TMPRSS15: variants seen among roughly 807,000 people sequenced by gnomAD.
The protein encoded by TMPRSS15 is enteropeptidase.
Under a neutral mutation model 125.3 loss-of-function variants are expected in TMPRSS15, and 128 were observed. That is an observed-to-expected ratio of 1.02 (90% confidence interval 0.89 to 1.18). The LOEUF (loss-of-function observed/expected upper bound fraction) is 1.18, where lower values mean the gene tolerates loss of function less well. TMPRSS15 is among the 50% of genes most tolerant of loss of function. TMPRSS15 has a pLI of 0.00. For missense variants in TMPRSS15, 1,283 were observed against 1,212.7 expected (o/e 1.06, Z -0.86); for synonymous variants, 446 against 423.2 (o/e 1.05, Z -0.66).
At chr21:18,450,427 C>T (rs995187973) in intron 1 of TMPRSS15, among the ~76,000 whole-genome samples, 1 of 152,066 alleles carries the variant, frequency 6.6e-6, no homozygotes, top group African/African-American at 2.4e-5. Context: ...AACCTCAATG[C>T]ATTTGTTTCT....
Position 18,422,827 on chromosome 21 carries a change from A to C in TMPRSS15, c.11-24498T>G, listed in dbSNP as rs545795769. Among the ~76,000 whole-genome samples the C allele has an allele frequency of 3.9e-5, 6 of 152,322 alleles. No individual in the cohort carries two copies. The South Asian group carries it at 1.2e-3, about 32-fold the overall frequency. Reference sequence around the variant, plus strand: ...ACCCTTTTCTGTATAGCTCTGGGCTAGGTTGGGCAAATAAGAGAAACTTGT... The same window carrying C: ...ACCCTTTTCTGTATAGCTCTGGGCTCGGTTGGGCAAATAAGAGAAACTTGT... On this transcript the variant is annotated intron_variant, in intron 1 of 7. Coordinates refer to the TMPRSS15 transcript ENST00000422787.
chr21:18,313,263 A>C (rs952863114), intron 17 of TMPRSS15, among the ~76,000 whole-genome samples, 186 bp from the exon 18 acceptor site: 2 of 152,106 alleles, frequency 1.3e-5, no homozygotes, highest in Non-Finnish European at 2.9e-5. Context: ...GCAAAATTTC[A>C]AATTTTCTCA....
intron 23 of TMPRSS15, among the ~76,000 whole-genome samples, chr21:18,275,690 A>G (rs1339136562): frequency 6.6e-6 from 1 of 152,216 alleles, no homozygotes; most frequent in African/African-American, 2.4e-5. Flanking sequence ...AATTAGCAAC[A>G]GCTCAGAAAT....
upstream of TMPRSS15, among the ~76,000 whole-genome samples, chr21:18,405,978 T>C (rs1318733341): frequency 6.6e-6 from 1 of 152,230 alleles, no homozygotes; most frequent in African/African-American, 2.4e-5. Flanking sequence ...TGTGTTTTTT[T>C]CTTTATAATT....
At chr21:18,441,054 A>G (rs2076240264) in intron 1 of TMPRSS15, among the ~76,000 whole-genome samples, 1 of 152,132 alleles carries the variant, frequency 6.6e-6, no homozygotes, top group Non-Finnish European at 1.5e-5. Flanking sequence ...GCACTTTGGG[A>G]GACCAAAGCA....
In TMPRSS15 at chr21:18,279,019, A is replaced by C; in HGVS notation, c.2709T>G (p.Val903=). ...TAGAACAATTTCTTCCTGGAGGAAA[A>C]ACTTGATTTTCTTCCGGTAAACAAA... The part of the protein sequence containing the change: ...QPICLPEENQ[V]FPPGRNCSIA... The change falls in exon 23 of 25, where the codon GTT becomes GTG. Residue 903 remains valine, a synonymous_variant. Coordinates refer to ENST00000284885, the MANE Select transcript of TMPRSS15 (RefSeq NM_002772.3). 6.2e-7 allele frequency: 1 copy of C among 1,605,388 alleles called. No homozygotes were observed. Among genetic ancestry groups the C allele is most frequent in the Non-Finnish European group, 8.5e-7 (1 of 1,174,270 alleles).
chr21:18,347,927 G>A (rs1479671818), intron 10 of TMPRSS15, among the ~76,000 whole-genome samples: 1 of 152,142 alleles, frequency 6.6e-6, no homozygotes, highest in Non-Finnish European at 1.5e-5. Context: ...TTTAAAAAAA[G>A]AGGCCACCTT....
At chr21:18,350,067 T>C (rs1002222070) in intron 10 of TMPRSS15, among the ~76,000 whole-genome samples, 23 of 152,088 alleles carry the variant, frequency 1.5e-4, no homozygotes, top group Admixed American at 3.3e-4. Flanking sequence ...CCAAGTGTGG[T>C]AGAAACTTTT....
intron 7 of TMPRSS15, among the ~76,000 whole-genome samples, chr21:18,360,663 C>T (rs957808567): frequency 3.3e-5 from 5 of 152,004 alleles, no homozygotes; most frequent in African/African-American, 7.2e-5. Flanking sequence ...TTTGCCAGTA[C>T]GTTACAGTTT....
chr21:18,415,837 T>C (rs1480907751), intron 1 of TMPRSS15, among the ~76,000 whole-genome samples: 1 of 152,108 alleles, frequency 6.6e-6, no homozygotes, highest in East Asian at 1.9e-4. Flanking sequence ...GAATCAAAAT[T>C]GTAAAGGAAC....
chr21:18,324,380 G>A (rs745721152), intron 16 of TMPRSS15, among the ~76,000 whole-genome samples: 1 of 152,108 alleles, frequency 6.6e-6, no homozygotes, highest in Non-Finnish European at 1.5e-5. Flanking sequence ...CTGCACAAGA[G>A]GTTTTGAATT....
intron 21 of TMPRSS15, among the ~76,000 whole-genome samples, chr21:18,291,513 G>T (rs1601282468): frequency 6.6e-6 from 1 of 152,256 alleles, no homozygotes; most frequent in African/African-American, 2.4e-5. Flanking sequence ...CCTGGAACAG[G>T]TTTACACTGA....
upstream of TMPRSS15, among the ~76,000 whole-genome samples, chr21:18,404,173 T>A (rs2076127636): frequency 6.6e-6 from 1 of 152,226 alleles, no homozygotes; most frequent in African/African-American, 2.4e-5. Flanking sequence ...TCTCTCTGTG[T>A]ACATATACAT....
intron 1 of TMPRSS15, among the ~76,000 whole-genome samples, chr21:18,425,476 T>G (rs1325644164): frequency 2.0e-5 from 3 of 152,130 alleles, no homozygotes; most frequent in Admixed American, 6.5e-5. Flanking sequence ...AACTCTTCAT[T>G]GAGCAAAAGA....
intron 1 of TMPRSS15, among the ~76,000 whole-genome samples, chr21:18,463,151 C>T (rs2122953652): frequency 5.5e-5 from 8 of 144,792 alleles, no homozygotes; most frequent in African/African-American, 1.5e-4. Flanking sequence ...CAAGACCCAT[C>T]GGGGTGCTGT....
At position 18,480,288 on chromosome 21, in the gene TMPRSS15, T is replaced by A. The variant is rs60238781; in HGVS notation, c.10+5511A>T. 4.7e-3 allele frequency among the ~76,000 whole-genome samples: 718 copies of A among 152,022 alleles called. 8 individuals are homozygous for A. Among genetic ancestry groups the A allele is most frequent in the African/African-American group, 0.017 (693 of 41,524 alleles). ...CTGAATTCTCTCACCCTGGGAAAAC[T>A]TTTAGTCTTGTTCATGTATGGATTT... On this transcript the variant is annotated intron_variant, in intron 1 of 7. Transcript: ENST00000422787.
chr21:18,354,937 T>G (rs1018019709), intron 8 of TMPRSS15, among the ~76,000 whole-genome samples: 1 of 151,790 alleles, frequency 6.6e-6, no homozygotes, highest in Non-Finnish European at 1.5e-5. Context: ...CTATTAGATA[T>G]CTTGTGATTA....
chr21:18,364,235 G>T (rs900747360), intron 7 of TMPRSS15, among the ~76,000 whole-genome samples: 1 of 151,904 alleles, frequency 6.6e-6, no homozygotes, highest in African/African-American at 2.4e-5. Context: ...TTATACTATA[G>T]GTCAGACTGG....
intron 10 of TMPRSS15, among the ~76,000 whole-genome samples, chr21:18,345,740 C>CAAAAAAAAAAAAAAAAAAAAAAAAAAAAA (rs1235619873): frequency 1.9e-4 from 3 of 15,562 alleles, no homozygotes; most frequent in African/African-American, 3.2e-4. Flanking sequence ...GACTCCGTCT[C>CAAAAAAAAAAAAAAAAAAAAAAAAAAAAA]AAAAAAAAAA....
Sources: gnomAD v4.1 joint callset for allele counts (sites outside exome capture counted in the v4.1 genomes callset) on GRCh38, gnomAD v4.1.1 for gene constraint, MANE v1.5 for transcripts, NCBI Gene and HGNC (gene_info 2026-07-23, HGNC 2026-07-21) for gene names.